Variants in SFI1 observed in about 807,000 individuals in gnomAD.
The protein encoded by SFI1 is SFI1 centrin binding protein.
SFI1 carries 195 observed loss-of-function variants against 207.5 expected under a neutral mutation model. The observed-to-expected ratio is 0.94, with a 90% CI of 0.84 to 1.06. SFI1 has a LOEUF of 1.06. SFI1 is among the 50% of genes least tolerant of loss of function. SFI1 has a pLI of 0.00. For synonymous variants in SFI1, 630 were observed against 598.9 expected (o/e 1.05, Z -0.76); for missense variants, 1,634 against 1,588.0 (o/e 1.03, Z -0.49).
rs2061236742 is a variant in SFI1 at position 31,557,004 on chromosome 22, A to C, written c.607A>C (p.Thr203Pro). The C allele has an allele frequency of 6.2e-7, 1 of 1,612,534 alleles. No homozygotes were observed. The highest frequency in any genetic ancestry group is 1.7e-5 in the Admixed American group (1 of 59,802). ...SWLIYVVVRR[T>P]KLQMQTTALE... ...GTTGATCTACGTGGTTGTTCGTAGG[A>C]CCAAACTTCAGATGCAGACTACAGC... Residue 203 changes from threonine (T) to proline (P), a missense_variant, in exon 7 of 33, where the codon ACC becomes CCC. Physicochemically the swap from Thr to Pro is conservative, Grantham distance 38 (BLOSUM62 -1). Coordinates refer to ENST00000400288, the MANE Select transcript of SFI1 (RefSeq NM_001007467.3).
intron 8 of SFI1, among the ~76,000 whole-genome samples, chr22:31,572,542 C>T (rs2063062824): frequency 6.6e-6 from 1 of 152,046 alleles, no homozygotes; most frequent in African/African-American, 2.4e-5. Context: ...GCTCTTGTCG[C>T]CCAGGCTGGA....
chr22:31,606,237 A>C, intron 20 of SFI1, 91 bp from the exon 21 acceptor site: 2 of 1,159,122 alleles, frequency 1.7e-6, no homozygotes, highest in Non-Finnish European at 2.6e-6. Context: ...CTGACTCAGG[A>C]GTAGGGGAAG....
chr22:31,603,691 G>C (rs931394161), intron 17 of SFI1, 53 bp from the exon 18 acceptor site: 26 of 1,442,376 alleles, frequency 1.8e-5, no homozygotes, highest in Non-Finnish European at 2.4e-5. Context: ...ACCCATAGAG[G>C]GTGCCCTCAC....
intron 8 of SFI1, 102 bp from the exon 9 acceptor site, chr22:31,572,956 C>G: frequency 8.3e-7 from 1 of 1,210,706 alleles, no homozygotes; most frequent in Non-Finnish European, 1.2e-6. Context: ...TTTCTAATTT[C>G]AGCCTTTCCA....
At position 31,599,043 on chromosome 22, in the gene SFI1, C is replaced by G. The variant is rs192214268; in HGVS notation, c.1545-3169C>G. 1.1e-4 allele frequency among the ~76,000 whole-genome samples: 16 copies of G among 151,414 alleles called. 1 individual carries two copies. The South Asian group carries it at 3.1e-3, about 30-fold the overall frequency. The stretch of plus-strand genomic sequence containing the variant: ...TCCTAAGCTTGTGATCCGCCCGCCT[C>G]GGCCTCCCAAAGTGCTGGGATTACA... On this transcript the variant is annotated intron_variant, in intron 15 of 32. Coordinates refer to ENST00000400288, the MANE Select transcript of SFI1 (RefSeq NM_001007467.3).
chr22:31,519,811 A>G (rs900847498), intron 2 of SFI1, among the ~76,000 whole-genome samples: 10 of 152,054 alleles, frequency 6.6e-5, no homozygotes, highest in African/African-American at 1.9e-4. Context: ...GCCTTAAGCA[A>G]TCCACCCACC....
At chr22:31,563,862 C>A (rs1215241119) in intron 8 of SFI1, among the ~76,000 whole-genome samples, 1 of 151,478 alleles carries the variant, frequency 6.6e-6, no homozygotes, top group Non-Finnish European at 1.5e-5. Flanking sequence ...GCTGGGATTA[C>A]AGGGGTGAGC....
At chr22:31,573,999 G>T (rs1045565945) in intron 9 of SFI1, among the ~76,000 whole-genome samples, 1 of 152,096 alleles carries the variant, frequency 6.6e-6, no homozygotes, top group African/African-American at 2.4e-5. Flanking sequence ...CTCCAGTTAT[G>T]CAAATGCATG....
At chr22:31,606,506 G>A (rs1417221697) in intron 21 of SFI1, 76 bp downstream of exon 21, 1 of 1,220,236 alleles carries the variant, frequency 8.2e-7, no homozygotes, top group African/African-American at 1.5e-5. Context: ...GATGTAGGGG[G>A]TGGTGCCAGA....
intron 1 of SFI1, among the ~76,000 whole-genome samples, chr22:31,505,015 A>G (rs935356086): frequency 2.0e-5 from 3 of 152,232 alleles, no homozygotes; most frequent in South Asian, 4.1e-4. Context: ...GGGGAACACA[A>G]TTCAACCCAC....
chr22:31,574,917 G>A (rs935961298), intron 9 of SFI1, among the ~76,000 whole-genome samples: 3 of 152,018 alleles, frequency 2.0e-5, no homozygotes, highest in Non-Finnish European at 2.9e-5. Context: ...AAATCAGCCA[G>A]GGGTGGTGGC....
intron 24 of SFI1, 175 bp from the exon 25 acceptor site, chr22:31,612,967 A>ATGGAGCGTGTGT: frequency 1.6e-6 from 1 of 626,344 alleles, no homozygotes; most frequent in East Asian, 2.8e-5. Flanking sequence ...CAGGCCACAG[A>ATGGAGCGTGTGT]TGGAGCGTGT....
At chr22:31,603,330 C>CA (rs2068432760) in intron 17 of SFI1, among the ~76,000 whole-genome samples, 1 of 152,174 alleles carries the variant, frequency 6.6e-6, no homozygotes, top group Non-Finnish European at 1.5e-5. Context: ...CAGCTGTGGC[C>CA]AGTGGGTGGG....
intron 3 of SFI1, among the ~76,000 whole-genome samples, chr22:31,529,820 G>A (rs1234845871): frequency 1.3e-5 from 2 of 152,108 alleles, no homozygotes; most frequent in Non-Finnish European, 2.9e-5. Context: ...GAATAAGCCA[G>A]ATAAAGGGCA....
At chr22:31,591,191 A>G (rs1366381942) in intron 15 of SFI1, among the ~76,000 whole-genome samples, 2 of 152,292 alleles carry the variant, frequency 1.3e-5, no homozygotes, top group African/African-American at 4.8e-5. Context: ...GCTGCCTTCA[A>G]GCATCTGTTT....
At chr22:31,615,822 T>G (rs1473087461) in intron 29 of SFI1, 1 of 153,002 alleles carries the variant, frequency 6.5e-6, no homozygotes, top group African/African-American at 2.4e-5. Context: ...CAGGCTGATG[T>G]GGGCTGCTGG....
chr22:31,516,047 T>C (rs1406122453), intron 2 of SFI1, among the ~76,000 whole-genome samples: 1 of 152,086 alleles, frequency 6.6e-6, no homozygotes, highest in East Asian at 1.9e-4. Flanking sequence ...TTTCTCTTTT[T>C]GAAGTACATA....
Position 31,613,419 on chromosome 22 carries a change from G to A in SFI1, c.2631G>A (p.Ala877=), listed in dbSNP as rs772729546. The change falls in exon 26 of 33, where the codon GCG becomes GCA. Residue 877 remains alanine, a synonymous_variant. Coordinates refer to ENST00000400288, the MANE Select transcript of SFI1 (RefSeq NM_001007467.3). ...RRRKKARLQW[A]LQAYQGQLLQ... The stretch of plus-strand genomic sequence containing the variant: ...GAAAGAAGGCGCGGCTGCAGTGGGC[G>A]CTCCAGGCCTACCAGGGGCAGCTCC... 9 of 1,610,182 alleles carry A rather than the reference G, an allele frequency of 5.6e-6. No homozygotes were observed. In the East Asian group the frequency reaches 6.7e-5, roughly 12 times the overall value.
Position 31,618,246 on chromosome 22 carries a change from C to G in SFI1, c.3624+20C>G. ...GAACAGGTGAGGCCCCAGGCCATCC[C>G]CAGGTGTCCCTGGGGACGCCCCGGG... On this transcript the variant is annotated intron_variant, in intron 32 of 32. Transcript: ENST00000400288. 6.3e-7 allele frequency: 1 copy of G among 1,596,934 alleles called. No homozygotes were observed. Among genetic ancestry groups the G allele is most frequent in the Non-Finnish European group, 8.5e-7 (1 of 1,172,992 alleles).
Sources: gnomAD v4.1 joint callset for allele counts (sites outside exome capture counted in the v4.1 genomes callset) on GRCh38, gnomAD v4.1.1 for gene constraint, MANE v1.5 for transcripts, NCBI Gene and HGNC (gene_info 2026-07-23, HGNC 2026-07-21) for gene names.